ACYP2: variants seen among roughly 807,000 people sequenced by gnomAD.
ACYP2 encodes acylphosphatase 2.
A neutral mutation model predicts 11.2 loss-of-function variants in ACYP2; 12 were observed. The observed-to-expected ratio is 1.08, with a 90% CI of 0.69 to 1.74. ACYP2 has a LOEUF of 1.74. Among genes scored for constraint, ACYP2 ranks in the 40% most tolerant of loss-of-function variants. ACYP2 has a pLI of 0.00. For missense variants in ACYP2, 134 were observed against 101.9 expected, an observed-to-expected ratio of 1.31 and a Z score of -1.35; for synonymous variants, 43 against 32.2, an observed-to-expected ratio of 1.33 and a Z score of -1.13.
chr2:54,301,516 ATC>A (rs1198268108), intron 6 of ACYP2, among the ~76,000 whole-genome samples: 3 of 151,928 alleles, frequency 2.0e-5, no homozygotes. Context: ...TCCATTTTAA[ATC>A]TCTATGTATG....
intron 6 of ACYP2, among the ~76,000 whole-genome samples, chr2:54,158,818 G>A (rs1682566535): frequency 6.6e-6 from 1 of 152,092 alleles, no homozygotes; most frequent in Non-Finnish European, 1.5e-5. Flanking sequence ...TAATTTAAGT[G>A]AATCAAGCCA....
At chr2:54,128,317 G>T (rs1680666552) in intron 4 of ACYP2, among the ~76,000 whole-genome samples, 1 of 152,162 alleles carries the variant, frequency 6.6e-6, no homozygotes, top group Admixed American at 6.5e-5. Context: ...ATCACTGGAG[G>T]AACCTCTGTA....
chr2:54,056,276 T>A (rs1301565486), intron 3 of ACYP2, among the ~76,000 whole-genome samples: 1 of 152,182 alleles, frequency 6.6e-6, no homozygotes, highest in African/African-American at 2.4e-5. Context: ...AAAGAAGATA[T>A]CACCATTCAC....
At chr2:54,284,356 A>G (rs1039422119) in intron 6 of ACYP2, among the ~76,000 whole-genome samples, 1 of 152,138 alleles carries the variant, frequency 6.6e-6, no homozygotes, top group Non-Finnish European at 1.5e-5. Context: ...CTACCAGTCT[A>G]TCTGAGGTGG....
intron 6 of ACYP2, among the ~76,000 whole-genome samples, chr2:54,260,019 A>G (rs181536157): frequency 1.3e-3 from 196 of 152,298 alleles, no homozygotes; most frequent in South Asian, 3.7e-3. Context: ...AAAACTAATG[A>G]TGTAAGAGAC....
chr2:54,196,282 C>T (rs963764580), intron 6 of ACYP2, among the ~76,000 whole-genome samples: 5 of 152,242 alleles, frequency 3.3e-5, no homozygotes, highest in Non-Finnish European at 7.4e-5. Flanking sequence ...CTGAAACCTC[C>T]GCTCACTGCA....
intron 5 of ACYP2, among the ~76,000 whole-genome samples, chr2:54,136,562 CACGTCTT>C (rs1189997919): frequency 1.3e-5 from 2 of 152,144 alleles, no homozygotes; most frequent in Non-Finnish European, 2.9e-5. Context: ...TTTTCAGGGC[CACGTCTT>C]ACATCAGTCT....
chr2:54,005,472 T>A (rs1673016219), intron 2 of ACYP2, among the ~76,000 whole-genome samples: 1 of 152,128 alleles, frequency 6.6e-6, no homozygotes, highest in African/African-American at 2.4e-5. Context: ...CCCAAGTAGT[T>A]GGGAGTACAG....
At chr2:54,092,857 C>G (rs950402829) in intron 4 of ACYP2, among the ~76,000 whole-genome samples, 1 of 152,192 alleles carries the variant, frequency 6.6e-6, no homozygotes, top group African/African-American at 2.4e-5. Flanking sequence ...GCCAGAAGTA[C>G]TGGCTGCTTG....
chr2:54,063,999 TTTTTC>T (rs997748145), intron 4 of ACYP2, among the ~76,000 whole-genome samples: 14 of 152,194 alleles, frequency 9.2e-5, no homozygotes, highest in African/African-American at 3.1e-4. Flanking sequence ...GATGCTTTTC[TTTTTC>T]TTTTCTTTTC....
At chr2:53,984,428 T>G (rs1317708803) in intron 2 of ACYP2, among the ~76,000 whole-genome samples, 1 of 151,474 alleles carries the variant, frequency 6.6e-6, no homozygotes, top group African/African-American at 2.4e-5. Flanking sequence ...AAATACAAAA[T>G]TAGCTGGGTG....
intron 4 of ACYP2, among the ~76,000 whole-genome samples, chr2:54,119,936 G>A (rs1224803961): frequency 1.3e-5 from 2 of 152,152 alleles, no homozygotes; most frequent in Non-Finnish European, 2.9e-5. Flanking sequence ...AGTACTTTGA[G>A]GTCAAGTACT....
intron 6 of ACYP2, among the ~76,000 whole-genome samples, chr2:54,209,864 G>T (rs921807884): frequency 6.6e-6 from 1 of 152,014 alleles, no homozygotes; most frequent in African/African-American, 2.4e-5. Flanking sequence ...AATCAAGGCC[G>T]GCGCAGTGGC....
intron 6 of ACYP2, among the ~76,000 whole-genome samples, chr2:54,283,640 A>G (rs1265439574): frequency 6.6e-6 from 1 of 152,228 alleles, no homozygotes. Context: ...ATATAGTAGG[A>G]GTTTTACAAG....
At chr2:54,159,641 C>T (rs1202488065) in intron 6 of ACYP2, among the ~76,000 whole-genome samples, 1 of 152,070 alleles carries the variant, frequency 6.6e-6, no homozygotes, top group African/African-American at 2.4e-5. Flanking sequence ...GTGAAAAGTC[C>T]AGTCTAACTG....
At chr2:54,198,702 A>C (rs1231041896) in intron 6 of ACYP2, among the ~76,000 whole-genome samples, 1 of 152,236 alleles carries the variant, frequency 6.6e-6, no homozygotes, top group Non-Finnish European at 1.5e-5. Flanking sequence ...AGACATTTTT[A>C]GGGATAAAAG....
intron 2 of ACYP2, among the ~76,000 whole-genome samples, chr2:53,992,104 C>T (rs1406635483): frequency 6.7e-6 from 1 of 148,422 alleles, no homozygotes; most frequent in African/African-American, 2.5e-5. Flanking sequence ...TCCTCCTTCC[C>T]TCCCTCCCTC....
At chr2:54,072,763 A>G (rs1284905832) in intron 4 of ACYP2, among the ~76,000 whole-genome samples, 1 of 151,910 alleles carries the variant, frequency 6.6e-6, no homozygotes, top group Non-Finnish European at 1.5e-5. Context: ...GGGTTTCACC[A>G]TGTTGGCCAG....
chr2:54,291,439 A>C (rs970030547), intron 6 of ACYP2, among the ~76,000 whole-genome samples: 1 of 152,222 alleles, frequency 6.6e-6, no homozygotes, highest in African/African-American at 2.4e-5. Context: ...AGCTCTTGTT[A>C]ACTGAATAAT....
Sources: gnomAD v4.1 joint callset for allele counts (sites outside exome capture counted in the v4.1 genomes callset) on GRCh38, gnomAD v4.1.1 for gene constraint, MANE v1.5 for transcripts, NCBI Gene and HGNC (gene_info 2026-07-23, HGNC 2026-07-21) for gene names.